Variants in SLC16A12 observed in about 807,000 individuals in gnomAD.
The protein encoded by SLC16A12 is monocarboxylate transporter 12.
A neutral mutation model predicts 42.4 loss-of-function variants in SLC16A12; 17 were observed. That is an observed-to-expected ratio of 0.40 (90% CI 0.27 to 0.60). The LOEUF is 0.60. Among genes scored for constraint, SLC16A12 ranks in the 20% least tolerant of loss-of-function variants. The pLI, the probability that SLC16A12 is intolerant of heterozygous loss-of-function variation, is 0.42. For missense variants in SLC16A12, 544 were observed against 623.0 expected, an observed-to-expected ratio of 0.87 and a Z score of 1.35; for synonymous variants, 224 against 229.4, an observed-to-expected ratio of 0.98 and a Z score of 0.21.
chr10:89,547,772 A>G (rs1260799624), intron 2 of SLC16A12, among the ~76,000 whole-genome samples: 1 of 151,920 alleles, frequency 6.6e-6, no homozygotes, highest in Non-Finnish European at 1.5e-5. Context: ...TGAGGTGGGC[A>G]GATCACCTGA....
chr10:89,454,840 G>C lies in SLC16A12; in HGVS notation c.200+7539C>G, dbSNP rs185857798. Among the ~76,000 whole-genome samples, 162 of 151,872 alleles carry C rather than the reference G, an allele frequency of 1.1e-3. 1 individual carries two copies. The highest frequency in any genetic ancestry group is 3.5e-3 in the African/African-American group (145 of 41,408). Reference sequence around the variant, plus strand: ...TTGCATTTGTTTATATTCTTCACTAGACTGTTACCCTGTGACAGAAAAGAC... The same window carrying C: ...TTGCATTTGTTTATATTCTTCACTACACTGTTACCCTGTGACAGAAAAGAC... On this transcript the variant is annotated intron_variant, in intron 3 of 7. Coordinates refer to ENST00000371790, the MANE Select transcript of SLC16A12 (RefSeq NM_213606.4).
intron 2 of SLC16A12, among the ~76,000 whole-genome samples, chr10:89,513,731 C>G (rs2133842811): frequency 1.3e-5 from 2 of 152,240 alleles, no homozygotes; most frequent in Middle Eastern, 3.4e-3. Flanking sequence ...GAACAAGGGA[C>G]TAGTCAGACC....
In SLC16A12 at chr10:89,556,170, T is replaced by G. The variant is rs146997176; in HGVS notation, c.-146-189A>C. Reference sequence around the variant, plus strand: ...TCTACCCAGGCACTGTGCTAAGCACTTTTTATGCTTCCTCGCTTTCAATTC... The same window carrying G: ...TCTACCCAGGCACTGTGCTAAGCACGTTTTATGCTTCCTCGCTTTCAATTC... On this transcript the variant is annotated intron_variant, in intron 1 of 2. Coordinates refer to the SLC16A12 transcript ENST00000475682. Among the ~76,000 whole-genome samples the G allele has an allele frequency of 6.6e-5, 10 of 152,300 alleles. No homozygotes were observed. The East Asian group carries it at 1.7e-3, about 27-fold the overall frequency.
chr10:89,494,909 G>A (rs1842899976), intron 2 of SLC16A12, among the ~76,000 whole-genome samples: 1 of 152,202 alleles, frequency 6.6e-6, no homozygotes, highest in Admixed American at 6.5e-5. Context: ...CTGTGGAAAT[G>A]CTACATACTG....
intron 3 of SLC16A12, among the ~76,000 whole-genome samples, chr10:89,446,014 A>C (rs1439770488): frequency 2.0e-5 from 3 of 152,196 alleles, no homozygotes; most frequent in African/African-American, 4.8e-5. Context: ...TCAGTGATTG[A>C]AGATCAAATT....
chr10:89,470,757 T>A (rs1014698078), intron 2 of SLC16A12, among the ~76,000 whole-genome samples: 2 of 152,158 alleles, frequency 1.3e-5, no homozygotes, highest in Admixed American at 1.3e-4. Context: ...ACAGAAGCCA[T>A]CTCCTAGAGA....
intron 2 of SLC16A12, among the ~76,000 whole-genome samples, chr10:89,555,644 T>C (rs138689174): frequency 3.1e-4 from 45 of 144,836 alleles, no homozygotes; most frequent in East Asian, 1.0e-3. Context: ...CATATATACA[T>C]ATATATACAG....
At chr10:89,447,992 C>A (rs1444805240) in intron 3 of SLC16A12, among the ~76,000 whole-genome samples, 1 of 151,862 alleles carries the variant, frequency 6.6e-6, no homozygotes, top group Non-Finnish European at 1.5e-5. Flanking sequence ...CACCTCTATG[C>A]AAATAAACTA....
At chr10:89,437,235 A>G (rs1473910071) in intron 6 of SLC16A12, among the ~76,000 whole-genome samples, 1 of 152,224 alleles carries the variant, frequency 6.6e-6, no homozygotes. Flanking sequence ...GAAGTCTAAT[A>G]TATTTCAAGA....
intron 2 of SLC16A12, among the ~76,000 whole-genome samples, chr10:89,488,647 G>A (rs998152103): frequency 1.3e-5 from 2 of 152,190 alleles, no homozygotes; most frequent in African/African-American, 4.8e-5. Context: ...ACTGACAATA[G>A]TAACAGTTTC....
intron 2 of SLC16A12, among the ~76,000 whole-genome samples, chr10:89,530,196 G>T (rs545589447): frequency 6.6e-6 from 1 of 152,102 alleles, no homozygotes; most frequent in Non-Finnish European, 1.5e-5. Flanking sequence ...CCTTATTGGA[G>T]CTTGTGAAAA....
rs761681740 is a variant in SLC16A12, at chr10:89,436,243, T to C, written c.1105A>G (p.Met369Val). The C allele has an allele frequency of 3.1e-6, 5 of 1,613,902 alleles. No individual in the cohort carries two copies. The highest frequency in any genetic ancestry group is 4.2e-6 in the Non-Finnish European group (5 of 1,179,968). ...MDGLCYLCLP[M>V]LQSLPLLVPF... ...ACGAGCAGAGGGAGACTTTGAAGCA[T>C]TGGGAGGCAGAGATAGCAGAGCCCA... is the stretch of plus-strand genomic sequence containing the variant. The change falls in exon 7 of 8, where the codon ATG becomes GTG. Residue 369 changes from methionine (M) to valine (V), a missense_variant. Physicochemically the swap from Met to Val is conservative, Grantham distance 21. Transcript: ENST00000371790.
intron 2 of SLC16A12, among the ~76,000 whole-genome samples, chr10:89,468,423 TGTA>T (rs1179230139): frequency 6.6e-6 from 1 of 152,118 alleles, no homozygotes; most frequent in Non-Finnish European, 1.5e-5. Context: ...TGCATGTGAG[TGTA>T]AATGGAGGCA....
At chr10:89,541,857 C>T (rs1391445298) in intron 2 of SLC16A12, among the ~76,000 whole-genome samples, 1 of 152,036 alleles carries the variant, frequency 6.6e-6, no homozygotes, top group Non-Finnish European at 1.5e-5. Context: ...ACTTTTATGT[C>T]ATTTTTTTCT....
At chr10:89,549,718 A>C (rs1325661608) in intron 2 of SLC16A12, among the ~76,000 whole-genome samples, 1 of 152,164 alleles carries the variant, frequency 6.6e-6, no homozygotes, top group East Asian at 1.9e-4. Context: ...ATAATTCTTT[A>C]GTCACCAGAC....
At chr10:89,555,644 T>TATATATACAGATATGTATATATACAC (rs1843810298) in intron 2 of SLC16A12, among the ~76,000 whole-genome samples, 1 of 144,834 alleles carries the variant, frequency 6.9e-6, no homozygotes, top group Non-Finnish European at 1.5e-5. Context: ...CATATATACA[T>TATATATACAGATATGTATATATACAC]ATATATACAG....
chr10:89,534,452 G>A (rs917490602), intron 2 of SLC16A12, 49 bp downstream of exon 2: 4 of 152,074 alleles, frequency 2.6e-5, no homozygotes, highest in Non-Finnish European at 5.9e-5. Flanking sequence ...GAACTAATTA[G>A]AGGCTCTTCA....
Position 89,445,298 on chromosome 10 carries a change from G to A in SLC16A12, c.201-1439C>T, listed in dbSNP as rs56780463. Among the ~76,000 whole-genome samples, 1,062 of 152,326 alleles carry A rather than the reference G, an allele frequency of 7.0e-3. 14 individuals are homozygous for A. Among genetic ancestry groups the A allele is most frequent in the African/African-American group, 0.025 (1,020 of 41,578 alleles). On this transcript the variant is annotated intron_variant, in intron 3 of 7. Transcript: ENST00000371790. Reference sequence around the variant, plus strand: ...CTCCTCAAGTGGGTCCCTGACCCCCGTGTAGCCTAACTGGGAGACACCTCC... The same window carrying A: ...CTCCTCAAGTGGGTCCCTGACCCCCATGTAGCCTAACTGGGAGACACCTCC...
At chr10:89,536,831 T>C (rs1032121571), upstream of SLC16A12, among the ~76,000 whole-genome samples, 3 of 152,132 alleles carry the variant, frequency 2.0e-5, no homozygotes, top group African/African-American at 7.2e-5. Context: ...TTAGGCTTTT[T>C]GGAATTATTA....
Sources: allele counts gnomAD v4.1 joint callset (sites outside exome capture counted in the v4.1 genomes callset), GRCh38; gene constraint gnomAD v4.1.1; transcripts MANE v1.5; gene names NCBI Gene and HGNC (gene_info 2026-07-23, HGNC 2026-07-21).